The following BATF2 variants were observed in gnomAD, a reference collection of about 807,000 sequenced individuals.
BATF2 encodes the protein basic leucine zipper ATF-like transcription factor 2.
BATF2 carries 4 observed loss-of-function variants against 7.3 expected under a neutral mutation model. The observed-to-expected ratio is 0.55, with a 90% confidence interval of 0.27 to 1.26. BATF2 has a LOEUF of 1.26. Ranked by LOEUF, BATF2 falls within the 50% of genes most tolerant of loss-of-function variation. BATF2 has a pLI of 0.11. For missense variants in BATF2, 295 were observed against 340.5 expected (o/e 0.87, Z 1.05); for synonymous variants, 152 against 153.9 (o/e 0.99, Z 0.09).
At chr11:64,995,612 A>C (rs1946104512) in intron 1 of BATF2, among the ~76,000 whole-genome samples, 1 of 152,094 alleles carries the variant, frequency 6.6e-6, no homozygotes, top group Non-Finnish European at 1.5e-5. Context: ...ACTTAGATAA[A>C]ATATTTTACC....
intron 1 of BATF2, among the ~76,000 whole-genome samples, 187 bp downstream of exon 1, chr11:64,996,688 TC>T (rs1449271940): frequency 6.6e-6 from 1 of 152,192 alleles, no homozygotes; most frequent in Non-Finnish European, 1.5e-5. Context: ...AACAACTCAT[TC>T]CAATCCAATC....
intron 1 of BATF2, among the ~76,000 whole-genome samples, chr11:64,995,843 C>T (rs891234416): frequency 6.6e-6 from 1 of 152,168 alleles, no homozygotes; most frequent in Non-Finnish European, 1.5e-5. Flanking sequence ...CACTGGGGCA[C>T]CAAGAAACTA....
intron 2 of BATF2, chr11:64,990,387 T>G: frequency 8.5e-6 from 12 of 1,412,882 alleles, no homozygotes; most frequent in Non-Finnish European, 1.1e-5. Context: ...CAACAGGGCC[T>G]TCCCGTGGCA....
chr11:64,993,008 G>T (rs114438300), intron 2 of BATF2, among the ~76,000 whole-genome samples: 4,242 of 151,450 alleles, frequency 0.028, 205 homozygotes, highest in African/African-American at 0.098. Flanking sequence ...AAAAAATAAA[G>T]AATATGAAGA....
At position 64,996,893 on chromosome 11, in the gene BATF2, C is replaced by T. The variant is rs564496581; in HGVS notation, c.22G>A (p.Gly8Arg). Residue 8 changes from glycine to arginine, a missense_variant, in exon 1 of 3, where the codon GGG becomes AGG. By Grantham distance (125) the Gly-to-Arg change is moderately radical. Coordinates refer to ENST00000301887, the MANE Select transcript of BATF2 (RefSeq NM_138456.4). Reference protein sequence around the residue: MHLCGGNGLLTQTDPKEQ... With the variant: MHLCGGNRLLTQTDPKEQ... ...GTACTCACTGTCTGGGTCAGCAGCC[C>T]ATTGCCCCCACAGAGGTGCATGGCT... 14 of 1,608,102 alleles carry T rather than the reference C, an allele frequency of 8.7e-6. No individual in the cohort carries two copies. The South Asian group carries it at 1.4e-4, about 17-fold the overall frequency.
At chr11:64,994,701 T>C (rs995494079) in intron 1 of BATF2, 152 bp from the exon 2 acceptor site, 2 of 691,244 alleles carry the variant, frequency 2.9e-6, no homozygotes, top group Non-Finnish European at 5.0e-6. Context: ...CCACACCCCC[T>C]ATAGCAGGCA....
intron 1 of BATF2, 150 bp from the exon 2 acceptor site, chr11:64,994,699 C>G (rs533919645): frequency 1.4e-5 from 10 of 699,340 alleles, no homozygotes; most frequent in Non-Finnish European, 2.2e-5. Flanking sequence ...ACCCACACCC[C>G]CTATAGCAGG....
In BATF2 at chr11:64,989,874, C is replaced by A. The variant is rs531632040; in HGVS notation, c.142-62G>T. On this transcript the variant is annotated intron_variant, in intron 2 of 2. Transcript: ENST00000301887. The surrounding 1 kb of genome is among the most constrained non-coding windows in gnomAD (Gnocchi z 4.3). The stretch of plus-strand genomic sequence containing the variant: ...GCCAGTGTCAGGGGCCCCGCATGAG[C>A]CTTAGCCCCTTCCAGGGTCCTCAAC... 6 of 1,568,006 alleles carry A rather than the reference C, an allele frequency of 3.8e-6. No individual in the cohort carries two copies. Among genetic ancestry groups the A allele is most frequent in the Middle Eastern group, 3.3e-4 (2 of 5,996 alleles).
At chr11:64,994,138 G>GTT (rs1946094779) in intron 2 of BATF2, among the ~76,000 whole-genome samples, 2 of 152,242 alleles carry the variant, frequency 1.3e-5, no homozygotes, top group Admixed American at 6.5e-5. Flanking sequence ...TGGCCATTGT[G>GTT]TTGGGGTCTC....
chr11:64,989,189 A>T lies in BATF2; in HGVS notation c.765T>A (p.Asp255Glu). 3 of 1,614,062 alleles carry T rather than the reference A, an allele frequency of 1.9e-6. No homozygotes were observed. In the Admixed American group the frequency reaches 5.0e-5, roughly 27 times the overall value. The stretch of plus-strand genomic sequence containing the variant: ...AGGCCAGGAGAGGGTGAGGGCTGGG[A>T]TCCACAACCAGCCCTTGCCAAGTGG... ...SAATWQGLVV[D>E]PSPHPLLAFP... The change falls in exon 3 of 3, where the codon GAT becomes GAA. Residue 255 changes from aspartate to glutamate, a missense_variant. Coordinates refer to ENST00000301887, the MANE Select transcript of BATF2 (RefSeq NM_138456.4). The surrounding 1 kb of genome is among the most constrained non-coding windows in gnomAD (Gnocchi z 4.3).
chr11:64,990,006 C>T, intron 2 of BATF2, 194 bp from the exon 3 acceptor site: 1 of 1,533,232 alleles, frequency 6.5e-7, no homozygotes, highest in Non-Finnish European at 8.8e-7. Context: ...GTCCCACCCT[C>T]TGAAGGGGGC....
Position 64,988,981 on chromosome 11 carries a change from T to A in BATF2, c.*148A>T. ...ACAGGGCCTGTCACAGTGGGAGGCA[T>A]CAGTGGTGGCTTCCTTTTCGACTGT... On this transcript the variant is annotated 3_prime_UTR_variant, in exon 3 of 3. Transcript: ENST00000301887. 3.9e-6 allele frequency: 3 copies of A among 770,800 alleles called. No individual in the cohort carries two copies. The South Asian group carries it at 5.0e-5, about 13-fold the overall frequency. 47.7% of individuals were successfully genotyped at this position (770,800 alleles called of 1,614,324 possible).
At position 64,994,457 on chromosome 11, in the gene BATF2, G is replaced by A. The variant is rs1205596982; in HGVS notation, c.132C>T (p.Ala44=). 6.3e-7 allele frequency: 1 copy of A among 1,583,816 alleles called. No homozygotes were observed. Among genetic ancestry groups the A allele is most frequent in the African/African-American group, 1.3e-5 (1 of 74,302 alleles). The change falls in exon 2 of 3, where the codon GCC becomes GCT. Residue 44 remains alanine, a synonymous_variant. Coordinates refer to ENST00000301887, the MANE Select transcript of BATF2 (RefSeq NM_138456.4). ...SRQKHTDKAD[A]LHQQHESLEK... ...TAGGGGTTGTCCACACCTGGTGCAG[G>A]GCGTCTGCCTTGTCTGTGTGCTTCT...
intron 1 of BATF2, 124 bp from the exon 2 acceptor site, chr11:64,994,673 C>G (rs1946098595): frequency 1.1e-6 from 1 of 878,844 alleles, no homozygotes; most frequent in Admixed American, 2.3e-5. Context: ...TTTTATCTCC[C>G]AGAAGCTCCC....
chr11:64,990,258 C>A, intron 2 of BATF2: 1 of 1,526,674 alleles, frequency 6.6e-7, no homozygotes, highest in South Asian at 1.2e-5. Flanking sequence ...GGTCTCCTCT[C>A]TCTCGCCTTC....
In BATF2 at chr11:64,989,573, CG is replaced by C; in HGVS notation, c.380del (p.Pro127ArgfsTer183). 1.3e-6 allele frequency: 2 copies of C among 1,591,396 alleles called. No homozygotes were observed. Among genetic ancestry groups the C allele is most frequent in the South Asian group, 2.2e-5 (2 of 89,230 alleles). On this transcript the variant is annotated frameshift_variant, in exon 3 of 3. Transcript: ENST00000301887. LOFTEE classifies it low-confidence loss of function (END_TRUNC). The surrounding 1 kb of genome is among the most constrained non-coding windows in gnomAD (Gnocchi z 4.3). ...GCGGCTGAGCTGGGTAACAGGAACCCGGGGTCTGGAACAGCTCCAGCTGCTC... is the reference window on the plus strand; with the variant it reads ...GCGGCTGAGCTGGGTAACAGGAACCCGGGTCTGGAACAGCTCCAGCTGCTC... ...CREQLELFQT[P>X]GSCYPAQPLS...
chr11:64,994,329 G>A, intron 2 of BATF2, 119 bp downstream of exon 2: 1 of 977,778 alleles, frequency 1.0e-6, no homozygotes, highest in Non-Finnish European at 1.5e-6. Flanking sequence ...CCCAAACTCA[G>A]GTGACCTAGA....
Position 64,989,890 on chromosome 11 carries a change from G to T in BATF2, c.142-78C>A. 1 of 1,524,712 alleles carries T rather than the reference G, an allele frequency of 6.6e-7. No individual in the cohort carries two copies. The highest frequency in any genetic ancestry group is 1.2e-5 in the South Asian group (1 of 85,716). The allele number at this position is 1,524,712 out of a possible 1,614,324, so 94.4% of individuals were successfully genotyped here. A position where few individuals can be genotyped will look rare whatever the true frequency, so the allele number is the denominator to read the frequency against. ...CCGCATGAGCCTTAGCCCCTTCCAG[G>T]GTCCTCAACTTCAGGAGAAAGATGC... On this transcript the variant is annotated intron_variant, in intron 2 of 2. Transcript: ENST00000301887. This position sits in a 1 kb window ranked among gnomAD's most constrained non-coding sequence, Gnocchi z 4.3.
chr11:64,990,498 T>C, intron 2 of BATF2: 1 of 1,195,620 alleles, frequency 8.4e-7, no homozygotes, highest in Non-Finnish European at 1.1e-6. Context: ...GGGGATTGTT[T>C]TACAGGTTGA....
Sources: gnomAD v4.1 joint callset for allele counts (sites outside exome capture counted in the v4.1 genomes callset) on GRCh38, gnomAD v4.1.1 for gene constraint, Gnocchi (gnomAD v3.1) non-coding constraint, MANE v1.5 for transcripts, NCBI Gene and HGNC (gene_info 2026-07-23, HGNC 2026-07-21) for gene names.